Variants in HMCN1 observed in about 807,000 individuals in gnomAD.
HMCN1 encodes hemicentin 1.
Under a neutral mutation model 625.9 loss-of-function variants are expected in HMCN1, and 321 were observed. That is an observed-to-expected ratio of 0.51 (90% CI 0.47 to 0.56). HMCN1 has a LOEUF of 0.56. Ranked by LOEUF, HMCN1 falls within the 20% of genes least tolerant of loss-of-function variation. The pLI is 0.00. For synonymous variants in HMCN1, 2,425 were observed against 2,417.6 expected (o/e 1.00, Z -0.09); for missense variants, 6,588 against 6,887.3 (o/e 0.96, Z 1.54).
intron 49 of HMCN1, among the ~76,000 whole-genome samples, chr1:186,066,008 AGTT>A (rs1488143839): frequency 5.3e-5 from 8 of 152,154 alleles, no homozygotes; most frequent in Non-Finnish European, 1.2e-4. Flanking sequence ...AAATTTGTAT[AGTT>A]GTTTGTTTTT....
At position 186,090,635 on chromosome 1, in the gene HMCN1, T is replaced by A. The variant is rs146162489; in HGVS notation, c.9728-123T>A. 923 of 1,085,368 alleles carry A rather than the reference T, an allele frequency of 8.5e-4. 7 individuals are homozygous for A. In the African/African-American group the frequency reaches 0.013, roughly 15 times the overall value. 67.2% of individuals were successfully genotyped at this position (1,085,368 alleles called of 1,614,324 possible). ...AGTAATTCATGAAGATAACAATAGTTTGACCTTGAACCATAATCTACAAAG... is the reference window on the plus strand; with the variant it reads ...AGTAATTCATGAAGATAACAATAGTATGACCTTGAACCATAATCTACAAAG... On this transcript the variant is annotated intron_variant, in intron 63 of 106. Transcript: ENST00000271588.
intron 2 of HMCN1, 115 bp from the exon 3 acceptor site, chr1:185,864,355 A>T: frequency 2.1e-6 from 2 of 955,788 alleles, no homozygotes; most frequent in Non-Finnish European, 3.3e-6. Flanking sequence ...TCAAACTGAC[A>T]GAAAATAAAA....
At chr1:185,938,545 T>C (rs188320977) in intron 11 of HMCN1, among the ~76,000 whole-genome samples, 2 of 152,250 alleles carry the variant, frequency 1.3e-5, no homozygotes, top group African/African-American at 4.8e-5. Flanking sequence ...AGATAATTCA[T>C]TTTCCTTATT....
intron 1 of HMCN1, among the ~76,000 whole-genome samples, chr1:185,762,208 A>G (rs1373140452): frequency 6.6e-6 from 1 of 152,226 alleles, no homozygotes; most frequent in Non-Finnish European, 1.5e-5. Flanking sequence ...CATTGTCATT[A>G]CTTTTCAAAG....
chr1:185,769,476 A>C (rs1656085257), intron 1 of HMCN1, among the ~76,000 whole-genome samples: 1 of 152,056 alleles, frequency 6.6e-6, no homozygotes, highest in Non-Finnish European at 1.5e-5. Context: ...GTTATAATAT[A>C]TGTTTGGATA....
chr1:186,108,648 A>C (rs1306464363), intron 71 of HMCN1, 51 bp downstream of exon 71: 1 of 1,607,034 alleles, frequency 6.2e-7, no homozygotes, highest in Admixed American at 1.7e-5. Flanking sequence ...GAAAAAAGTA[A>C]AAAAATCAGC....
intron 11 of HMCN1, among the ~76,000 whole-genome samples, chr1:185,951,317 A>G (rs1423241030): frequency 6.6e-6 from 1 of 151,596 alleles, no homozygotes; most frequent in African/African-American, 2.4e-5. Flanking sequence ...AGTGCTTAAA[A>G]GAGTATTGTC....
chr1:185,844,328 T>G lies in HMCN1; in HGVS notation c.269-1698T>G, dbSNP rs140642130. On this transcript the variant is annotated intron_variant, in intron 1 of 106. Transcript: ENST00000271588. ...CTCCAATTGCTTCTCCACTCCTTTT[T>G]CAAACTGCAAAGTGTCTAATCTATA... Among the ~76,000 whole-genome samples the G allele has an allele frequency of 1.2e-3, 187 of 152,322 alleles. 1 individual carries two copies. The highest frequency in any genetic ancestry group is 1.6e-3 in the African/African-American group (66 of 41,576).
At chr1:185,909,275 G>A (rs1666277295) in intron 4 of HMCN1, 62 bp from the exon 5 acceptor site, 3 of 1,309,778 alleles carry the variant, frequency 2.3e-6, no homozygotes, top group Non-Finnish European at 3.3e-6. Context: ...ACCTGAAACA[G>A]CAATGATATA....
chr1:185,890,368 T>G lies in HMCN1; in HGVS notation c.622-18969T>G, dbSNP rs539232278. On this transcript the variant is annotated intron_variant, in intron 4 of 106. Coordinates refer to ENST00000271588, the MANE Select transcript of HMCN1 (RefSeq NM_031935.3). The stretch of plus-strand genomic sequence containing the variant: ...CTTCTGCTAGCTTTTGAATGGGTTT[T>G]CTCTTGCTTTTCTAGTTCTTTTAGT... Among the ~76,000 whole-genome samples the G allele has an allele frequency of 2.2e-4, 33 of 147,844 alleles. 1 individual carries two copies. The highest frequency in any genetic ancestry group is 6.2e-4 in the African/African-American group (23 of 37,290).
Position 186,093,680 on chromosome 1 carries a change from A to C in HMCN1, c.10196+11A>C. ...AGGACAAGTTATCAGGTCAGCTTTT[A>C]TTGTGTCTGATTTCCTAAACAGATG... On this transcript the variant is annotated intron_variant, in intron 66 of 106. Coordinates refer to ENST00000271588, the MANE Select transcript of HMCN1 (RefSeq NM_031935.3). The C allele has an allele frequency of 6.2e-7, 1 of 1,612,984 alleles. No individual in the cohort carries two copies.
rs61745374 is a variant in HMCN1 at position 186,088,215 on chromosome 1, A to T, written c.9516A>T (p.Thr3172=). 11,294 of 1,612,986 alleles carry T rather than the reference A, an allele frequency of 7.0e-3. 656 individuals are homozygous for T. The African/African-American group carries it at 0.13, about 19-fold the overall frequency. ...CGATCAGCAATCCTGTGACATTAAC[A>T]TGTGATGCCACTGGGATCCCACCTC... ...VETISNPVTL[T]CDATGIPPPT... Residue 3172 remains threonine, a synonymous_variant, in exon 62 of 107, where the codon ACA becomes ACT. Transcript: ENST00000271588.
chr1:186,145,501 C>T lies in HMCN1; in HGVS notation c.14365C>T (p.Pro4789Ser). 1 of 1,614,046 alleles carries T rather than the reference C, an allele frequency of 6.2e-7. No homozygotes were observed. The highest frequency in any genetic ancestry group is 8.5e-7 in the Non-Finnish European group (1 of 1,179,986). ...GTACCGCACATGTGATAACCCTCCTCCCTCCAATGGGGGAAGAGCTTGTGG... is the reference window on the plus strand; with the variant it reads ...GTACCGCACATGTGATAACCCTCCTTCCTCCAATGGGGGAAGAGCTTGTGG... ...RRYRTCDNPP[P>S]SNGGRACGGP... Residue 4789 changes from proline (P) to serine (S), a missense_variant, in exon 92 of 107, where the codon CCC (proline) becomes TCC (serine). Physicochemically the swap from Pro to Ser is moderately conservative, Grantham distance 74. Coordinates refer to ENST00000271588, the MANE Select transcript of HMCN1 (RefSeq NM_031935.3).
chr1:185,799,682 A>G (rs1205292260), intron 1 of HMCN1, among the ~76,000 whole-genome samples: 1 of 152,092 alleles, frequency 6.6e-6, no homozygotes, highest in Non-Finnish European at 1.5e-5. Context: ...CTGGTAGCTG[A>G]GGTTTCACAA....
chr1:185,966,447 C>G (rs1407328773), intron 14 of HMCN1, among the ~76,000 whole-genome samples: 3 of 152,092 alleles, frequency 2.0e-5, no homozygotes, highest in Non-Finnish European at 4.4e-5. Flanking sequence ...ATATTTGTGT[C>G]ATAAAGATTG....
At chr1:186,119,117 A>C (rs1357754656) in intron 77 of HMCN1, 74 bp from the exon 78 acceptor site, 12 of 1,101,884 alleles carry the variant, frequency 1.1e-5, no homozygotes, top group Middle Eastern at 2.0e-4. Flanking sequence ...AAAACACACA[A>C]AAGAGAGTCA....
At chr1:186,134,500 T>TA (rs568324509) in intron 86 of HMCN1, among the ~76,000 whole-genome samples, 13 of 152,134 alleles carry the variant, frequency 8.5e-5, no homozygotes, top group Non-Finnish European at 1.6e-4. Flanking sequence ...AGAGTGAGGT[T>TA]AATATAAACA....
intron 35 of HMCN1, 60 bp downstream of exon 35, chr1:186,019,755 T>C (rs1201221260): frequency 7.1e-7 from 1 of 1,402,014 alleles, no homozygotes; most frequent in Non-Finnish European, 9.9e-7. Flanking sequence ...CCTGGAAATA[T>C]CAAGTTATTC....
intron 96 of HMCN1, 21 bp from the exon 97 acceptor site, chr1:186,153,729 A>C (rs1558264030): frequency 2.5e-6 from 4 of 1,602,976 alleles, no homozygotes; most frequent in Non-Finnish European, 3.4e-6. Flanking sequence ...TTGATCTTCA[A>C]ATCCACATTG....
Sources: allele counts gnomAD v4.1 joint callset (sites outside exome capture counted in the v4.1 genomes callset), GRCh38; gene constraint gnomAD v4.1.1; transcripts MANE v1.5; gene names NCBI Gene and HGNC (gene_info 2026-07-23, HGNC 2026-07-21).